The following PTK2B variants were observed in gnomAD, a reference collection of about 807,000 sequenced individuals.
PTK2B encodes the protein protein-tyrosine kinase 2-beta.
Under a neutral mutation model 142.9 loss-of-function variants are expected in PTK2B, and 71 were observed. The ratio of observed to expected loss-of-function variants is 0.50; its 90% CI spans 0.41 to 0.61. The LOEUF (loss-of-function observed/expected upper bound fraction) is 0.61, where lower values mean the gene tolerates loss of function less well. Ranked by LOEUF, PTK2B falls within the 20% of genes least tolerant of loss-of-function variation. The pLI is 0.00. For synonymous variants in PTK2B, 519 were observed against 503.4 expected, an observed-to-expected ratio of 1.03 and a Z score of -0.42; for missense variants, 1,105 against 1,320.4, an observed-to-expected ratio of 0.84 and a Z score of 2.53.
At position 27,350,988 on chromosome 8, in the gene PTK2B, AAAATATATATATATATAT is replaced by A. The variant is rs1176879303; in HGVS notation, c.-38+25309_-38+25326del. 6.2e-4 allele frequency among the ~76,000 whole-genome samples: 10 copies of A among 16,224 alleles called. 3 individuals carry two copies. The highest frequency in any genetic ancestry group is 8.3e-4 in the Non-Finnish European group (6 of 7,252). 10.6% of individuals were successfully genotyped at this position (16,224 alleles called of 152,430 possible). On this transcript the variant is annotated intron_variant, in intron 1 of 30. Coordinates refer to ENST00000346049, the MANE Select transcript of PTK2B (RefSeq NM_173176.3). ...AAGTCTCCGTCTCAAAAAAAAAAAA[AAAATATATATATATATAT>A]ATATATATATATATATATATATATA...
intron 5 of PTK2B, 116 bp downstream of exon 5, chr8:27,422,499 G>A (rs1165682800): frequency 2.0e-6 from 2 of 984,068 alleles, no homozygotes; most frequent in Non-Finnish European, 1.4e-6. Flanking sequence ...CCAGGAAGGG[G>A]AGAGGTGGTG....
At chr8:27,451,349 TC>T in intron 26 of PTK2B, 135 bp from the exon 27 acceptor site, 1 of 1,426,096 alleles carries the variant, frequency 7.0e-7, no homozygotes, top group Non-Finnish European at 9.4e-7. Context: ...CACGAGCTGC[TC>T]CCAGAAGCAC....
intron 1 of PTK2B, among the ~76,000 whole-genome samples, chr8:27,380,144 A>G (rs1806925765): frequency 6.6e-6 from 1 of 150,734 alleles, no homozygotes; most frequent in South Asian, 2.1e-4. Flanking sequence ...GGGACTTGCT[A>G]CTCACATCAT....
rs1439736683 is a variant in PTK2B at position 27,397,776 on chromosome 8, G to T, written c.192G>T (p.Gln64His). The change falls in exon 2 of 31, where the codon CAG becomes CAT. Residue 64 changes from glutamine (Q) to histidine (H), a missense_variant. Coordinates refer to ENST00000346049, the MANE Select transcript of PTK2B (RefSeq NM_173176.3). ...KNFKLVKCTV[Q>H]TEIREIITSI... ...TCAAACTGGTCAAATGCACTGTCCA[G>T]ACGGAGATCCGGGTAAGTGTGAAGT... The T allele has an allele frequency of 6.2e-7, 1 of 1,614,056 alleles. No individual in the cohort carries two copies. The highest frequency in any genetic ancestry group is 1.3e-5 in the African/African-American group (1 of 74,960).
chr8:27,413,150 A>G (rs1809172271), intron 2 of PTK2B, among the ~76,000 whole-genome samples: 1 of 152,130 alleles, frequency 6.6e-6, no homozygotes, highest in Non-Finnish European at 1.5e-5. Context: ...AAGCAGGCAT[A>G]CATGCATACA....
At position 27,326,219 on chromosome 8, in the gene PTK2B, C is replaced by CGT. The variant is rs1378338817; in HGVS notation, c.-38+543_-38+544dup. ...GGGTGTTCTGGGGCACAGGGGAGCT[C>CGT]GTGTGTATGTGTGTGTGTGTGTGTG... On this transcript the variant is annotated intron_variant, in intron 1 of 30. Transcript: ENST00000346049. Among the ~76,000 whole-genome samples the CGT allele has an allele frequency of 3.5e-3, 438 of 126,002 alleles. 2 individuals carry two copies. The highest frequency in any genetic ancestry group is 0.012 in the Middle Eastern group (3 of 248). 82.7% of individuals were successfully genotyped at this position (126,002 alleles called of 152,430 possible). A position where few individuals can be genotyped will look rare whatever the true frequency, so the allele number is the denominator to read the frequency against.
chr8:27,397,431 G>A (rs1394708525), intron 1 of PTK2B, 117 bp from the exon 2 acceptor site: 1 of 781,036 alleles, frequency 1.3e-6, no homozygotes, highest in East Asian at 2.5e-5. Flanking sequence ...TTTGGGAATG[G>A]GAGAATATAT....
chr8:27,336,347 A>T (rs1804063693), intron 1 of PTK2B, among the ~76,000 whole-genome samples: 1 of 152,090 alleles, frequency 6.6e-6, no homozygotes, highest in African/African-American at 2.4e-5. Context: ...ATGACCTCAA[A>T]CTTGAGCTCC....
At position 27,395,492 on chromosome 8, in the gene PTK2B, G is replaced by C. The variant is rs78347436; in HGVS notation, c.-37-2056G>C. ...CATGCTTTTCTCATCTTCATACCCT[G>C]TAGCAGGGCTGCCACTGTTCCCTCC... On this transcript the variant is annotated intron_variant, in intron 1 of 30. Transcript: ENST00000346049. Among the ~76,000 whole-genome samples, 480 of 152,220 alleles carry C rather than the reference G, an allele frequency of 3.2e-3. 10 individuals carry two copies. The East Asian group carries it at 0.036, about 11-fold the overall frequency.
intron 1 of PTK2B, among the ~76,000 whole-genome samples, chr8:27,341,590 C>A (rs1804404155): frequency 6.6e-6 from 1 of 152,132 alleles, no homozygotes; most frequent in Admixed American, 6.5e-5. Flanking sequence ...ATGACCAAGG[C>A]GGGCAGTCCT....
rs942290659 is a variant in PTK2B at position 27,350,739 on chromosome 8, G to T, written c.-38+25058G>T. On this transcript the variant is annotated intron_variant, in intron 1 of 30. Coordinates refer to ENST00000346049, the MANE Select transcript of PTK2B (RefSeq NM_173176.3). ...GATGCCTGTAATCCCAGCACTTTGGGAGGCCGAGGCAGGTCATCACCTGAG... is the reference window on the plus strand; with the variant it reads ...GATGCCTGTAATCCCAGCACTTTGGTAGGCCGAGGCAGGTCATCACCTGAG... Among the ~76,000 whole-genome samples the T allele has an allele frequency of 1.3e-4, 20 of 151,754 alleles. No homozygotes were observed. The East Asian group carries it at 3.9e-3, about 29-fold the overall frequency.
chr8:27,443,121 C>CTGTCACA, intron 22 of PTK2B, 138 bp downstream of exon 22: 2 of 618,944 alleles, frequency 3.2e-6, no homozygotes, highest in Non-Finnish European at 5.8e-6. Flanking sequence ...TCCACCATCA[C>CTGTCACA]TGTCAGCGTG....
intron 1 of PTK2B, among the ~76,000 whole-genome samples, chr8:27,334,493 A>C (rs1013859943): frequency 6.6e-6 from 1 of 152,174 alleles, no homozygotes; most frequent in African/African-American, 2.4e-5. Context: ...CTTTTGGAGG[A>C]CATCTGAGCT....
rs142214664 is a variant in PTK2B, at chr8:27,456,391, G to A, written c.2814+1780G>A. On this transcript the variant is annotated intron_variant, in intron 30 of 30. Coordinates refer to ENST00000346049, the MANE Select transcript of PTK2B (RefSeq NM_173176.3). ...ATAACGGCTATGGTTGGTGATTGGTGATTGGTGATCAGCGATGTTAGTATT... is the reference window on the plus strand; with the variant it reads ...ATAACGGCTATGGTTGGTGATTGGTAATTGGTGATCAGCGATGTTAGTATT... Among the ~76,000 whole-genome samples, 17 of 152,260 alleles carry A rather than the reference G, an allele frequency of 1.1e-4. No individual in the cohort carries two copies. In the East Asian group the frequency reaches 2.9e-3, roughly 26 times the overall value.
chr8:27,320,332 C>T (rs1440682035), intron 3 of PTK2B, among the ~76,000 whole-genome samples: 1 of 152,118 alleles, frequency 6.6e-6, no homozygotes, highest in Non-Finnish European at 1.5e-5. Context: ...ACTGAGCGTC[C>T]CATAATTCAG....
At position 27,436,411 on chromosome 8, in the gene PTK2B, G is replaced by C; in HGVS notation, c.1341+63G>C. 8.6e-6 allele frequency: 13 copies of C among 1,503,960 alleles called. No individual in the cohort carries two copies. The South Asian group carries it at 1.4e-4, about 16-fold the overall frequency. 93.2% of individuals were successfully genotyped at this position (1,503,960 alleles called of 1,614,324 possible). A position where few individuals can be genotyped will look rare whatever the true frequency, so the allele number is the denominator to read the frequency against. On this transcript the variant is annotated intron_variant, in intron 15 of 30. Coordinates refer to ENST00000346049, the MANE Select transcript of PTK2B (RefSeq NM_173176.3). ...ATGTCTGTAGGGTGAGACAGAGCTC[G>C]AATCTGAGCAGGTTGGAGTTGGCAC...
chr8:27,412,762 A>AAC (rs1809148517), intron 2 of PTK2B, among the ~76,000 whole-genome samples: 1 of 152,196 alleles, frequency 6.6e-6, no homozygotes, highest in Non-Finnish European at 1.5e-5. Flanking sequence ...CCATGTCTAC[A>AAC]ACAGAAATTG....
chr8:27,421,334 G>GT (rs1216034318), intron 4 of PTK2B, among the ~76,000 whole-genome samples: 5 of 149,036 alleles, frequency 3.4e-5, no homozygotes, highest in African/African-American at 9.9e-5. Context: ...ATTTCAATGG[G>GT]TTTTTTGGGG....
At chr8:27,377,575 T>A (rs1237726570) in intron 1 of PTK2B, among the ~76,000 whole-genome samples, 1 of 152,012 alleles carries the variant, frequency 6.6e-6, no homozygotes, top group African/African-American at 2.4e-5. Flanking sequence ...TCCAGCTGAG[T>A]GTGGTCTTAA....
Sources: allele counts gnomAD v4.1 joint callset (sites outside exome capture counted in the v4.1 genomes callset), GRCh38; gene constraint gnomAD v4.1.1; transcripts MANE v1.5; gene names NCBI Gene and HGNC (gene_info 2026-07-23, HGNC 2026-07-21).